VWA8: variants seen among roughly 807,000 people sequenced by gnomAD.
The protein encoded by VWA8 is von Willebrand factor A domain containing 8, also known as von Willebrand factor A domain-containing protein 8.
In VWA8, 221 loss-of-function variants were observed where a neutral mutation model predicts 241.5. The observed-to-expected ratio is 0.91, with a 90% CI of 0.82 to 1.02. VWA8 has a LOEUF of 1.02. Among genes scored for constraint, VWA8 ranks in the 50% least tolerant of loss-of-function variants. The pLI is 0.00. For synonymous variants in VWA8, 852 were observed against 827.1 expected, an observed-to-expected ratio of 1.03 and a Z score of -0.52; for missense variants, 2,322 against 2,328.7, an observed-to-expected ratio of 1.00 and a Z score of 0.06.
chr13:41,754,460 C>G (rs2045679537), intron 21 of VWA8, among the ~76,000 whole-genome samples: 1 of 152,024 alleles, frequency 6.6e-6, no homozygotes, highest in South Asian at 2.1e-4. Flanking sequence ...AGCATGAAAA[C>G]AGACTAATAC....
At chr13:41,625,594 G>A (rs1357829432) in intron 37 of VWA8, among the ~76,000 whole-genome samples, 2 of 152,166 alleles carry the variant, frequency 1.3e-5, no homozygotes, top group Non-Finnish European at 2.9e-5. Context: ...AGGTGCGGGA[G>A]AGGATGTGGA....
chr13:41,937,798 T>TTTTTAAATTTATAA (rs1434305511), intron 2 of VWA8, among the ~76,000 whole-genome samples: 3 of 152,294 alleles, frequency 2.0e-5, no homozygotes, highest in Middle Eastern at 3.4e-3. Context: ...AATAAATTAA[T>TTTTTAAATTTATAA]TTTTAAAATT....
At chr13:41,840,218 G>C (rs927415088) in intron 12 of VWA8, among the ~76,000 whole-genome samples, 1 of 152,116 alleles carries the variant, frequency 6.6e-6, no homozygotes, top group African/African-American at 2.4e-5. Flanking sequence ...CATTGACTTT[G>C]TATCCCAAAT....
rs527790022 is a variant in VWA8, at chr13:41,570,613, C to T, written c.5464G>A (p.Asp1822Asn). 121 of 1,614,258 alleles carry T rather than the reference C, an allele frequency of 7.5e-5. 1 individual carries two copies. In the South Asian group the frequency reaches 1.3e-3, roughly 17 times the overall value. ...CTCAAGACTATGACAAAGTACTCAT[C>T]AGCTTCTTCTTTGACAATTTCCTTG... Reference protein sequence around the residue: ...AIKEIVKEEADEYFVIVLSDA... With the variant: ...AIKEIVKEEANEYFVIVLSDA... The change falls in exon 44 of 45, where the codon GAT becomes AAT. Residue 1822 changes from aspartate to asparagine, a missense_variant. Transcript: ENST00000379310.
At chr13:41,860,053 T>C (rs1162755276) in intron 12 of VWA8, among the ~76,000 whole-genome samples, 1 of 152,218 alleles carries the variant, frequency 6.6e-6, no homozygotes, top group Non-Finnish European at 1.5e-5. Flanking sequence ...AGGAGTCTTA[T>C]ATTTGATCTC....
intron 4 of VWA8, among the ~76,000 whole-genome samples, chr13:41,894,479 A>G (rs1382175888): frequency 6.6e-6 from 1 of 152,250 alleles, no homozygotes; most frequent in African/African-American, 2.4e-5. Flanking sequence ...GCATGCAGGT[A>G]TATGTATAGA....
intron 2 of VWA8, among the ~76,000 whole-genome samples, chr13:41,927,990 C>T (rs1876930067): frequency 6.6e-6 from 1 of 152,172 alleles, no homozygotes; most frequent in African/African-American, 2.4e-5. Flanking sequence ...ACGTCAAATT[C>T]TGTCACAAGA....
chr13:41,683,193 G>A (rs1159668417), intron 35 of VWA8, among the ~76,000 whole-genome samples: 1 of 151,616 alleles, frequency 6.6e-6, no homozygotes, highest in Non-Finnish European at 1.5e-5. Context: ...CAATAAATAT[G>A]TCACCTTGTG....
chr13:41,628,536 C>T (rs2044707362), intron 37 of VWA8, among the ~76,000 whole-genome samples: 1 of 152,098 alleles, frequency 6.6e-6, no homozygotes, highest in Non-Finnish European at 1.5e-5. Context: ...ACCTAGGCTC[C>T]CATCAACAGT....
intron 17 of VWA8, 95 bp from the exon 18 acceptor site, chr13:41,787,638 T>A (rs1368619602): frequency 5.4e-4 from 203 of 376,436 alleles, no homozygotes; most frequent in South Asian, 1.3e-3. Flanking sequence ...ACACACACAC[T>A]CCTTACTAAT....
rs1485969022 is a variant in VWA8 at position 41,853,539 on chromosome 13, C to T, written c.1425+12197G>A. On this transcript the variant is annotated intron_variant, in intron 12 of 44. Coordinates refer to ENST00000379310, the MANE Select transcript of VWA8 (RefSeq NM_015058.2). ...TCTCTGGTGGCAGGTTTTTGATTAC[C>T]GATTCAATCTCCTAACTCATTATTG... 4.6e-5 allele frequency among the ~76,000 whole-genome samples: 7 copies of T among 152,098 alleles called. No individual in the cohort carries two copies. The East Asian group carries it at 9.6e-4, about 21-fold the overall frequency.
chr13:41,705,223 T>A (rs979402992), intron 26 of VWA8, among the ~76,000 whole-genome samples: 23 of 151,762 alleles, frequency 1.5e-4, no homozygotes, highest in African/African-American at 4.8e-4. Context: ...ATTTTAAGTA[T>A]CTGTACAATT....
intron 43 of VWA8, among the ~76,000 whole-genome samples, 176 bp downstream of exon 43, chr13:41,575,564 A>G (rs2044345571): frequency 6.6e-6 from 1 of 152,106 alleles, no homozygotes; most frequent in African/African-American, 2.4e-5. Context: ...TTTAAATTTT[A>G]TATGGTGGAG....
Position 41,819,358 on chromosome 13 carries a change from T to C in VWA8, c.1729A>G (p.Arg577Gly). 1.9e-6 allele frequency: 3 copies of C among 1,608,730 alleles called. No individual in the cohort carries two copies. The highest frequency in any genetic ancestry group is 2.5e-6 in the Non-Finnish European group (3 of 1,178,794). Reference protein sequence around the residue: ...RSIFPIHPSFRIIALAEPPVI... With the variant: ...RSIFPIHPSFGIIALAEPPVI... ...GGGGGTTCTGCCAAGGCAATGATTCTGAAGGAGGGATGGATAGGAAAAATG... is the reference window on the plus strand; with the variant it reads ...GGGGGTTCTGCCAAGGCAATGATTCCGAAGGAGGGATGGATAGGAAAAATG... Residue 577 changes from arginine to glycine, a missense_variant, in exon 15 of 45, where the codon AGA (arginine) becomes GGA (glycine). By Grantham distance (125) the Arg-to-Gly change is moderately radical. Coordinates refer to ENST00000379310, the MANE Select transcript of VWA8 (RefSeq NM_015058.2).
At chr13:41,774,765 A>C (rs1868512649) in intron 20 of VWA8, among the ~76,000 whole-genome samples, 1 of 152,226 alleles carries the variant, frequency 6.6e-6, no homozygotes, top group Non-Finnish European at 1.5e-5. Context: ...TTTATAGATA[A>C]GAAAAAAGAA....
At chr13:41,809,930 G>A (rs557651293) in intron 17 of VWA8, among the ~76,000 whole-genome samples, 2 of 152,204 alleles carry the variant, frequency 1.3e-5, no homozygotes, top group South Asian at 2.1e-4. Context: ...ATTATACAAT[G>A]CATGAAAGAT....
In VWA8 at chr13:41,883,397, C is replaced by T. The variant is rs1192940446; in HGVS notation, c.1070G>A (p.Gly357Asp). Residue 357 changes from glycine (G) to aspartate (D), a missense_variant, in exon 9 of 45, where the codon GGT becomes GAT. Gly to Asp is a moderately conservative substitution (Grantham distance 94). Coordinates refer to ENST00000379310, the MANE Select transcript of VWA8 (RefSeq NM_015058.2). Reference protein sequence around the residue: ...LGHEGKMAVEGVLKRFELQDS... With the variant: ...LGHEGKMAVEDVLKRFELQDS... ...GAAGCAGACACTCACCTTTAAAACA[C>T]CTTCCACAGCCATCTTCCCTTCATG... is the stretch of plus-strand genomic sequence containing the variant. 1.9e-6 allele frequency: 3 copies of T among 1,611,670 alleles called. No individual in the cohort carries two copies. In the Admixed American group the frequency reaches 5.0e-5, roughly 27 times the overall value.
chr13:41,853,932 T>A (rs547257307), intron 12 of VWA8, among the ~76,000 whole-genome samples: 6 of 152,292 alleles, frequency 3.9e-5, no homozygotes, highest in Admixed American at 3.3e-4. Flanking sequence ...TTACAAACGA[T>A]AGGAGAGACA....
At chr13:41,728,188 T>A (rs982424764) in intron 23 of VWA8, among the ~76,000 whole-genome samples, 1 of 152,092 alleles carries the variant, frequency 6.6e-6, no homozygotes, top group East Asian at 1.9e-4. Context: ...TCTTTCAGCA[T>A]GTACATATTC....
Sources: allele counts gnomAD v4.1 joint callset (sites outside exome capture counted in the v4.1 genomes callset), GRCh38; gene constraint gnomAD v4.1.1; transcripts MANE v1.5; gene names NCBI Gene and HGNC (gene_info 2026-07-23, HGNC 2026-07-21).